ZMIZ1: variants seen among roughly 807,000 people sequenced by gnomAD.
The protein encoded by ZMIZ1 is zinc finger MIZ-type containing 1.
In ZMIZ1, 17 loss-of-function variants were observed where a neutral mutation model predicts 113.9. The observed-to-expected ratio is 0.15, with a 90% CI of 0.10 to 0.22. ZMIZ1 has a LOEUF of 0.22. Among genes scored for constraint, ZMIZ1 ranks in the 10% least tolerant of loss-of-function variants. The probability of loss-of-function intolerance (pLI) is 1.00; values close to 1 mark genes in which losing one functional copy is unlikely to be tolerated. For synonymous variants in ZMIZ1, 607 were observed against 603.1 expected (o/e 1.01, Z -0.09); for missense variants, 1,059 against 1,477.8 (o/e 0.72, Z 4.65).
At chr10:79,265,044 C>T (rs965917234) in intron 7 of ZMIZ1, among the ~76,000 whole-genome samples, 1 of 152,192 alleles carries the variant, frequency 6.6e-6, no homozygotes, top group Non-Finnish European at 1.5e-5. Context: ...GTTTGGGAAA[C>T]AGCACTGACA....
chr10:79,257,084 C>T (rs1224254611), intron 7 of ZMIZ1, among the ~76,000 whole-genome samples: 1 of 152,208 alleles, frequency 6.6e-6, no homozygotes, highest in East Asian at 1.9e-4. Context: ...AGACCTCAGA[C>T]AACACCAATA....
intron 2 of ZMIZ1, among the ~76,000 whole-genome samples, chr10:79,135,507 A>G (rs1844961315): frequency 6.6e-6 from 1 of 152,230 alleles, no homozygotes; most frequent in Non-Finnish European, 1.5e-5. Context: ...TCACATGGAC[A>G]TGCGGTGCAC....
intron 1 of ZMIZ1, among the ~76,000 whole-genome samples, chr10:79,090,550 T>C (rs1176800494): frequency 2.0e-5 from 3 of 152,216 alleles, no homozygotes; most frequent in African/African-American, 7.2e-5. Flanking sequence ...TATTTATTTC[T>C]CCAGAAATCT....
intron 2 of ZMIZ1, among the ~76,000 whole-genome samples, chr10:79,126,236 G>A (rs1466168742): frequency 1.3e-5 from 2 of 152,234 alleles, no homozygotes; most frequent in Non-Finnish European, 2.9e-5. Flanking sequence ...TCAGGGCCTA[G>A]TGTGAGGCTT....
At chr10:79,254,214 A>AG (rs748999695) in intron 7 of ZMIZ1, among the ~76,000 whole-genome samples, 79 of 152,196 alleles carry the variant, frequency 5.2e-4, no homozygotes, top group Admixed American at 9.8e-4. Flanking sequence ...GCCCCTGTTC[A>AG]GGGCCCAGCA....
chr10:79,285,218 C>T (rs1005198571), intron 8 of ZMIZ1, among the ~76,000 whole-genome samples: 27 of 152,242 alleles, frequency 1.8e-4, no homozygotes, highest in African/African-American at 6.3e-4. Context: ...CTAAGATGGG[C>T]ATCTGTTGGG....
At chr10:79,178,945 C>T (rs1417921176) in intron 4 of ZMIZ1, among the ~76,000 whole-genome samples, 2 of 152,224 alleles carry the variant, frequency 1.3e-5, no homozygotes, top group East Asian at 1.9e-4. Context: ...CCTGGCTCAG[C>T]GCTGCTCTGC....
At chr10:79,148,843 A>T (rs189058265) in intron 3 of ZMIZ1, among the ~76,000 whole-genome samples, 1 of 152,190 alleles carries the variant, frequency 6.6e-6, no homozygotes, top group Admixed American at 6.5e-5. Context: ...AGGGCCACAG[A>T]CTTTAGGCCC....
At chr10:79,202,287 T>C (rs1449367271) in intron 5 of ZMIZ1, among the ~76,000 whole-genome samples, 1 of 149,016 alleles carries the variant, frequency 6.7e-6, no homozygotes, top group African/African-American at 2.5e-5. Flanking sequence ...TTTAAAAATA[T>C]TTACTAATTT....
intron 17 of ZMIZ1, 75 bp downstream of exon 17, chr10:79,301,017 G>GC: frequency 1.9e-6 from 3 of 1,561,852 alleles, no homozygotes; most frequent in Non-Finnish European, 2.6e-6. Flanking sequence ...GGAATACCCT[G>GC]CCCCACTCTG....
At chr10:79,254,845 C>G (rs1850778359) in intron 7 of ZMIZ1, among the ~76,000 whole-genome samples, 1 of 152,236 alleles carries the variant, frequency 6.6e-6, no homozygotes, top group African/African-American at 2.4e-5. Context: ...ACACCTGATA[C>G]CTTTCACCGC....
chr10:79,251,740 G>A (rs1171971724), intron 7 of ZMIZ1, among the ~76,000 whole-genome samples: 2 of 152,212 alleles, frequency 1.3e-5, no homozygotes, highest in African/African-American at 4.8e-5. Flanking sequence ...AGGGAGTGGG[G>A]ACAGCTTGTG....
At chr10:79,279,207 C>T (rs888241317) in intron 8 of ZMIZ1, among the ~76,000 whole-genome samples, 30 of 151,762 alleles carry the variant, frequency 2.0e-4, no homozygotes, top group African/African-American at 3.6e-4. Flanking sequence ...ACTTCCCGGA[C>T]GGGGCGGCTG....
chr10:79,241,902 A>G (rs564884360), intron 7 of ZMIZ1, among the ~76,000 whole-genome samples: 1 of 152,222 alleles, frequency 6.6e-6, no homozygotes, highest in South Asian at 2.1e-4. Flanking sequence ...CGGCAGTCCA[A>G]TACAGAGGAG....
intron 8 of ZMIZ1, among the ~76,000 whole-genome samples, chr10:79,282,991 CCTT>C (rs1250973953): frequency 1.3e-5 from 2 of 152,252 alleles, no homozygotes; most frequent in East Asian, 1.9e-4. Context: ...CTTTCAACCT[CCTT>C]CTTCCAGATT....
At chr10:79,156,424 T>G (rs1259083788) in intron 3 of ZMIZ1, among the ~76,000 whole-genome samples, 2 of 152,124 alleles carry the variant, frequency 1.3e-5, no homozygotes, top group Admixed American at 6.5e-5. Flanking sequence ...CTTCCCACGA[T>G]CTCAGCTTGC....
At chr10:79,225,537 C>G (rs1015308007) in intron 7 of ZMIZ1, among the ~76,000 whole-genome samples, 4 of 151,770 alleles carry the variant, frequency 2.6e-5, no homozygotes, top group African/African-American at 9.7e-5. Context: ...TGAGACCAGC[C>G]TGGACATCAT....
chr10:79,112,099 A>T (rs1275670985), intron 1 of ZMIZ1, among the ~76,000 whole-genome samples: 1 of 152,058 alleles, frequency 6.6e-6, no homozygotes, highest in Non-Finnish European at 1.5e-5. Flanking sequence ...TGTGGACACA[A>T]CTCCCAAGTG....
At chr10:79,125,290 A>G (rs1449930142) in intron 2 of ZMIZ1, among the ~76,000 whole-genome samples, 2 of 152,214 alleles carry the variant, frequency 1.3e-5, no homozygotes, top group Non-Finnish European at 2.9e-5. Context: ...GCTCAGTGAC[A>G]CAGTGGGATC....
Sources: gnomAD v4.1 joint callset for allele counts (sites outside exome capture counted in the v4.1 genomes callset) on GRCh38, gnomAD v4.1.1 for gene constraint, MANE v1.5 for transcripts, NCBI Gene and HGNC (gene_info 2026-07-23, HGNC 2026-07-21) for gene names.